Variants in CACUL1 observed in about 807,000 individuals in gnomAD.
CACUL1 encodes CDK2-associated and cullin domain-containing protein 1.
In CACUL1, 13 loss-of-function variants were observed where a neutral mutation model predicts 45.2. The ratio of observed to expected loss-of-function variants is 0.29; its 90% CI spans 0.19 to 0.46. The LOEUF (loss-of-function observed/expected upper bound fraction) is 0.46. Ranked by LOEUF, CACUL1 falls within the 20% of genes least tolerant of loss-of-function variation. The pLI is 1.00. For synonymous variants in CACUL1, 197 were observed against 174.2 expected, an observed-to-expected ratio of 1.13 and a Z score of -1.03; for missense variants, 421 against 471.4, an observed-to-expected ratio of 0.89 and a Z score of 0.99.
At chr10:118,742,089 C>A (rs1218319584) in intron 1 of CACUL1, among the ~76,000 whole-genome samples, 1 of 152,198 alleles carries the variant, frequency 6.6e-6, no homozygotes, top group Non-Finnish European at 1.5e-5. Context: ...ACCTTTCTAT[C>A]ACCTCCCACA....
At chr10:118,694,312 C>G (rs1845299813) in intron 6 of CACUL1, among the ~76,000 whole-genome samples, 1 of 152,216 alleles carries the variant, frequency 6.6e-6, no homozygotes, top group Non-Finnish European at 1.5e-5. Context: ...ATAGTAATAA[C>G]AGCAGTGAAT....
chr10:118,728,537 T>A lies in CACUL1; in HGVS notation c.597+758A>T, dbSNP rs531078962. Among the ~76,000 whole-genome samples, 16 of 152,210 alleles carry A rather than the reference T, an allele frequency of 1.1e-4. 1 individual carries two copies. The East Asian group carries it at 3.1e-3, about 29-fold the overall frequency. ...ATCTCCTGACTTCGTGATCTACCTG[T>A]CTCGGCCTCTCAAAGTGCTGGGATT... is the stretch of plus-strand genomic sequence containing the variant. On this transcript the variant is annotated intron_variant, in intron 3 of 8. Transcript: ENST00000369151.
At chr10:118,702,976 A>T (rs1408520471) in intron 4 of CACUL1, among the ~76,000 whole-genome samples, 10 of 152,112 alleles carry the variant, frequency 6.6e-5, no homozygotes, top group African/African-American at 1.4e-4. Context: ...AATTTAATTT[A>T]AAAAATTTTT....
chr10:118,712,995 C>A (rs971682492), intron 3 of CACUL1, among the ~76,000 whole-genome samples: 1 of 152,232 alleles, frequency 6.6e-6, no homozygotes, highest in African/African-American at 2.4e-5. Context: ...ACCCAGGAAC[C>A]TGTCTGCCTC....
chr10:118,708,478 T>A (rs963742886), intron 3 of CACUL1, among the ~76,000 whole-genome samples: 1 of 152,174 alleles, frequency 6.6e-6, no homozygotes, highest in African/African-American at 2.4e-5. Flanking sequence ...TGCATTCCTC[T>A]ATTAACTCAC....
intron 1 of CACUL1, among the ~76,000 whole-genome samples, chr10:118,745,961 A>AC (rs1054155326): frequency 7.5e-5 from 11 of 146,338 alleles, no homozygotes; most frequent in Admixed American, 6.3e-4. Context: ...ATACGGTGAA[A>AC]CCCCATCTCT....
chr10:118,687,063 C>T (rs1324419519), intron 7 of CACUL1, among the ~76,000 whole-genome samples: 1 of 152,172 alleles, frequency 6.6e-6, no homozygotes, highest in Non-Finnish European at 1.5e-5. Flanking sequence ...TCCTGAAACA[C>T]GATTTTTTTC....
rs1265987851 is a variant in CACUL1, at chr10:118,754,890, G to A, written c.-128C>T. On this transcript the variant is annotated 5_prime_UTR_variant, in exon 1 of 9. Transcript: ENST00000369151. ...AGGAATGGGCGCAGCGGAGAGGGCT[G>A]CGGTGCGCAGGGTCTCTCGCTCTCC... 11 of 1,313,518 alleles carry A rather than the reference G, an allele frequency of 8.4e-6. No individual in the cohort carries two copies. The East Asian group carries it at 2.7e-4, about 32-fold the overall frequency. The allele number at this position is 1,313,518 out of a possible 1,614,324, so 81.4% of individuals were successfully genotyped here.
chr10:118,709,889 CT>C (rs1046960625), intron 3 of CACUL1, among the ~76,000 whole-genome samples: 1 of 151,822 alleles, frequency 6.6e-6, no homozygotes, highest in Admixed American at 6.6e-5. Context: ...ATTTACATTT[CT>C]TTTTTTTAAA....
At chr10:118,748,179 A>C (rs940586926) in intron 1 of CACUL1, among the ~76,000 whole-genome samples, 4 of 152,232 alleles carry the variant, frequency 2.6e-5, no homozygotes, top group African/African-American at 9.6e-5. Flanking sequence ...CTGGACAGAC[A>C]GTCCTCCGTG....
Position 118,695,341 on chromosome 10 carries a change from A to G in CACUL1, c.797-111T>C. ...AAACATAAACAATTGTAAGAAAGGA[A>G]CAGTCCAATAAACCAATCAAATGTT... is the stretch of plus-strand genomic sequence containing the variant. On this transcript the variant is annotated intron_variant, in intron 5 of 8. Coordinates refer to ENST00000369151, the MANE Select transcript of CACUL1 (RefSeq NM_153810.5). 8.7e-6 allele frequency: 6 copies of G among 688,160 alleles called. No individual in the cohort carries two copies. In the South Asian group the frequency reaches 9.2e-5, roughly 11 times the overall value. 42.6% of individuals were successfully genotyped at this position (688,160 alleles called of 1,614,324 possible).
In CACUL1 at chr10:118,677,948, CCAA is replaced by C. The variant is rs1275532396; in HGVS notation, c.*8177_*8179del. 4 of 152,158 alleles carry C rather than the reference CCAA, an allele frequency of 2.6e-5. No individual in the cohort carries two copies. Among genetic ancestry groups the C allele is most frequent in the African/African-American group, 7.2e-5 (3 of 41,424 alleles). The allele number at this position is 152,158 out of a possible 1,614,324, so 9.4% of individuals were successfully genotyped here. On this transcript the variant is annotated 3_prime_UTR_variant, in exon 9 of 9. Transcript: ENST00000369151. ...CAAAGTAGAAGTGCAGATTTACACG[CCAA>C]CAACAGGTGAAGGTTTGTTGTCATA... is the stretch of plus-strand genomic sequence containing the variant.
chr10:118,731,441 T>C (rs1177982695), intron 1 of CACUL1, among the ~76,000 whole-genome samples: 2 of 152,238 alleles, frequency 1.3e-5, no homozygotes, highest in African/African-American at 4.8e-5. Context: ...GTACCATCTA[T>C]ATCATTTTTG....
At chr10:118,699,107 CACAT>C (rs1845352079) in intron 5 of CACUL1, among the ~76,000 whole-genome samples, 1 of 152,070 alleles carries the variant, frequency 6.6e-6, no homozygotes. Flanking sequence ...TAGGTCCTAC[CACAT>C]ACAAGCAGTG....
rs137975338 is a variant in CACUL1 at position 118,732,498 on chromosome 10, C to A, written c.368-2088G>T. Among the ~76,000 whole-genome samples, 16 of 152,304 alleles carry A rather than the reference C, an allele frequency of 1.1e-4. No individual in the cohort carries two copies. The South Asian group carries it at 3.3e-3, about 32-fold the overall frequency. On this transcript the variant is annotated intron_variant, in intron 1 of 8. Coordinates refer to ENST00000369151, the MANE Select transcript of CACUL1 (RefSeq NM_153810.5). ...TCAATGTTCTGTCCAGCTGCCAGAG[C>A]TTGCTCTGCTTGCGGGAGGAGCAGG...
At chr10:118,741,108 G>C (rs760721064) in intron 1 of CACUL1, among the ~76,000 whole-genome samples, 4 of 152,088 alleles carry the variant, frequency 2.6e-5, no homozygotes, top group Non-Finnish European at 5.9e-5. Context: ...TAAATGAATC[G>C]TAATTAAATG....
At chr10:118,754,174 G>C (rs1422394166) in intron 1 of CACUL1, among the ~76,000 whole-genome samples, 2 of 152,142 alleles carry the variant, frequency 1.3e-5, no homozygotes, top group Admixed American at 6.5e-5. Flanking sequence ...CTCTAGGCCA[G>C]GTAATACAAG....
intron 3 of CACUL1, among the ~76,000 whole-genome samples, chr10:118,723,913 CACCACCACACCCAGG>C (rs2119627999): frequency 6.6e-6 from 1 of 151,932 alleles, no homozygotes; most frequent in Non-Finnish European, 1.5e-5. Context: ...TATAGGCGCC[CACCACCACACCCAGG>C]TAATTTTTTT....
chr10:118,737,010 C>T (rs984298474), intron 1 of CACUL1, among the ~76,000 whole-genome samples: 2 of 151,850 alleles, frequency 1.3e-5, no homozygotes, highest in African/African-American at 4.8e-5. Flanking sequence ...TGTAAGTATA[C>T]CCTATGATGT....
Sources: gnomAD v4.1 joint callset for allele counts (sites outside exome capture counted in the v4.1 genomes callset) on GRCh38, gnomAD v4.1.1 for gene constraint, MANE v1.5 for transcripts, NCBI Gene and HGNC (gene_info 2026-07-23, HGNC 2026-07-21) for gene names.